Variants in MCTP2 observed in about 807,000 individuals in gnomAD.
The protein encoded by MCTP2 is multiple C2 and transmembrane domain-containing protein 2.
MCTP2 carries 132 observed loss-of-function variants against 111.6 expected under a neutral mutation model. The ratio of observed to expected loss-of-function variants is 1.18; its 90% confidence interval spans 1.03 to 1.37. The LOEUF (loss-of-function observed/expected upper bound fraction) is 1.37, where lower values mean the gene tolerates loss of function less well. Among genes scored for constraint, MCTP2 ranks in the 40% most tolerant of loss-of-function variants. MCTP2 has a pLI of 0.00. For synonymous variants in MCTP2, 395 were observed against 387.7 expected (o/e 1.02, Z -0.22); for missense variants, 1,183 against 1,067.9 (o/e 1.11, Z -1.50).
At chr15:94,273,879 T>C (rs1368210486) in intron 1 of MCTP2, 3 of 232,974 alleles carry the variant, frequency 1.3e-5, no homozygotes, top group African/African-American at 6.9e-5. Flanking sequence ...TTGAGCAAGG[T>C]GGCTCTCACC....
rs958160443 is a variant in MCTP2, at chr15:94,232,890, A to G, written c.-66+1226A>G. Among the ~76,000 whole-genome samples the G allele has an allele frequency of 3.9e-5, 6 of 152,214 alleles. No homozygotes were observed. The East Asian group carries it at 9.6e-4, about 24-fold the overall frequency. On this transcript the variant is annotated intron_variant, in intron 1 of 22. Coordinates refer to ENST00000357742, the MANE Select transcript of MCTP2 (RefSeq NM_001385001.1). ...ATTATTAAGAATTAGCTCTGTGCCA[A>G]GCACCATGCTAGGCACTTTGTCTTG...
intron 1 of MCTP2, among the ~76,000 whole-genome samples, chr15:94,248,721 G>A (rs913513967): frequency 2.0e-5 from 3 of 152,098 alleles, no homozygotes; most frequent in African/African-American, 4.8e-5. Context: ...TATGATTTAC[G>A]AAATTTGAAT....
At chr15:94,414,587 C>T (rs972774817) in intron 17 of MCTP2, among the ~76,000 whole-genome samples, 2 of 152,112 alleles carry the variant, frequency 1.3e-5, no homozygotes, top group African/African-American at 4.8e-5. Context: ...AGGTTATTGC[C>T]TGACTAGTGT....
intron 14 of MCTP2, among the ~76,000 whole-genome samples, chr15:94,389,860 A>G (rs945761200): frequency 2.0e-5 from 3 of 151,972 alleles, no homozygotes; most frequent in African/African-American, 7.3e-5. Context: ...ATGTCTAAGT[A>G]TAAAGTATGG....
At chr15:94,314,424 C>A in intron 3 of MCTP2, 80 bp downstream of exon 3, 1 of 1,077,282 alleles carries the variant, frequency 9.3e-7, no homozygotes, top group East Asian at 2.6e-5. Flanking sequence ...TTTTTTTTGC[C>A]TCTTTTATTG....
At chr15:94,313,781 C>T (rs2152362026) in intron 2 of MCTP2, among the ~76,000 whole-genome samples, 1 of 152,256 alleles carries the variant, frequency 6.6e-6, no homozygotes, top group Admixed American at 6.5e-5. Flanking sequence ...TTGCATTTCC[C>T]AGTTTTGGTT....
rs533413354 is a variant in MCTP2, at chr15:94,243,310, C to T, written c.-66+11646C>T. On this transcript the variant is annotated intron_variant, in intron 1 of 22. Transcript: ENST00000357742. ...GCGTATATGCATATATACATACATA[C>T]GTATGCGTACATACGTATGCGTATA... 5.2e-4 allele frequency among the ~76,000 whole-genome samples: 47 copies of T among 90,616 alleles called. 1 individual carries two copies. In the South Asian group the frequency reaches 0.014, roughly 28 times the overall value. 59.4% of individuals were successfully genotyped at this position (90,616 alleles called of 152,430 possible). A position where few individuals can be genotyped will look rare whatever the true frequency, so the allele number is the denominator to read the frequency against.
At chr15:94,460,159 G>A (rs2085095068) in intron 20 of MCTP2, among the ~76,000 whole-genome samples, 1 of 152,212 alleles carries the variant, frequency 6.6e-6, no homozygotes, top group South Asian at 2.1e-4. Context: ...GTAGGGAGAG[G>A]TAAGAGAGAA....
intron 20 of MCTP2, among the ~76,000 whole-genome samples, chr15:94,459,635 A>G (rs1347034173): frequency 6.6e-6 from 1 of 152,188 alleles, no homozygotes; most frequent in Non-Finnish European, 1.5e-5. Flanking sequence ...AGATTCCTGA[A>G]TTTACCCTCA....
chr15:94,375,782 A>AT (rs1567562899), intron 12 of MCTP2, among the ~76,000 whole-genome samples: 1 of 152,206 alleles, frequency 6.6e-6, no homozygotes, highest in East Asian at 1.9e-4. Context: ...CTAGGTTATT[A>AT]TAAAGTATCC....
At chr15:94,420,964 T>C (rs1385840764) in intron 17 of MCTP2, among the ~76,000 whole-genome samples, 1 of 152,146 alleles carries the variant, frequency 6.6e-6, no homozygotes, top group African/African-American at 2.4e-5. Context: ...TGCTGTCTTA[T>C]TGTAAGAAAT....
intron 20 of MCTP2, among the ~76,000 whole-genome samples, chr15:94,461,298 A>G (rs1388813261): frequency 6.6e-6 from 1 of 151,966 alleles, no homozygotes; most frequent in Admixed American, 6.5e-5. Context: ...CGTCTCTACT[A>G]AAAATACAAA....
At chr15:94,419,183 A>T (rs538376810) in intron 17 of MCTP2, among the ~76,000 whole-genome samples, 1 of 152,144 alleles carries the variant, frequency 6.6e-6, no homozygotes, top group African/African-American at 2.4e-5. Flanking sequence ...ACCCACACCA[A>T]ACTGGAACTA....
intron 1 of MCTP2, among the ~76,000 whole-genome samples, chr15:94,259,003 C>A: frequency 1.3e-5 from 2 of 152,212 alleles, no homozygotes; most frequent in Middle Eastern, 3.4e-3. Flanking sequence ...ATTCAGCATA[C>A]ACTAAAATAG....
At position 94,310,742 on chromosome 15, in the gene MCTP2, CT is replaced by C. The variant is rs2076088617; in HGVS notation, c.466-3539del. ...TAATATATAATACTACAACATATATCTATTTAAAAATTTTTATATTCTAAAA... is the reference window on the plus strand; with the variant it reads ...TAATATATAATACTACAACATATATCATTTAAAAATTTTTATATTCTAAAA... On this transcript the variant is annotated intron_variant, in intron 2 of 22. Transcript: ENST00000357742. Among the ~76,000 whole-genome samples, 7 of 150,584 alleles carry C rather than the reference CT, an allele frequency of 4.6e-5. No individual in the cohort carries two copies. The South Asian group carries it at 1.5e-3, about 31-fold the overall frequency.
At chr15:94,262,204 G>A (rs1382193876) in intron 1 of MCTP2, among the ~76,000 whole-genome samples, 2 of 152,048 alleles carry the variant, frequency 1.3e-5, no homozygotes, top group African/African-American at 4.8e-5. Context: ...CTTTATAATA[G>A]TCTTATTGCA....
chr15:94,289,982 T>G (rs888181877), intron 1 of MCTP2, among the ~76,000 whole-genome samples: 2 of 152,172 alleles, frequency 1.3e-5, no homozygotes, highest in African/African-American at 4.8e-5. Flanking sequence ...ACTCACTGTT[T>G]CTGGCTTTGA....
chr15:94,424,847 T>G (rs2082803475), intron 17 of MCTP2, among the ~76,000 whole-genome samples: 1 of 152,190 alleles, frequency 6.6e-6, no homozygotes, highest in African/African-American at 2.4e-5. Context: ...GGATCCCTCC[T>G]TCTTTGCTCT....
rs1301888337 is a variant in MCTP2 at position 94,458,177 on chromosome 15, T to C, written c.2291T>C (p.Val764Ala). 21 of 1,612,522 alleles carry C rather than the reference T, an allele frequency of 1.3e-5. No individual in the cohort carries two copies. The highest frequency in any genetic ancestry group is 1.7e-5 in the Non-Finnish European group (20 of 1,178,554). The change falls in exon 20 of 23, where the codon GTA becomes GCA. Residue 764 changes from valine (V) to alanine (A), a missense_variant. Transcript: ENST00000357742. The stretch of plus-strand genomic sequence containing the variant: ...GGGTTGATTGAAAGAATCTATATGG[T>C]ACAGGATATTGTTTCAACTGTTCAA... The part of the protein sequence containing the change: ...KKGLIERIYM[V>A]QDIVSTVQNV...
Sources: allele counts gnomAD v4.1 joint callset (sites outside exome capture counted in the v4.1 genomes callset), GRCh38; gene constraint gnomAD v4.1.1; transcripts MANE v1.5; gene names NCBI Gene and HGNC (gene_info 2026-07-23, HGNC 2026-07-21).